NIBAN1: variants seen among roughly 807,000 people sequenced by gnomAD.
NIBAN1 encodes niban apoptosis regulator 1.
In NIBAN1, 81 loss-of-function variants were observed where a neutral mutation model predicts 75.1. The ratio of observed to expected loss-of-function variants is 1.08; its 90% CI spans 0.90 to 1.30. NIBAN1 has a LOEUF of 1.30. NIBAN1 is among the 50% of genes most tolerant of loss of function. The pLI, the probability that NIBAN1 is intolerant of heterozygous loss-of-function variation, is 0.00. For synonymous variants in NIBAN1, 436 were observed against 424.8 expected (o/e 1.03, Z -0.32); for missense variants, 1,133 against 1,128.1 (o/e 1.00, Z -0.06).
chr1:184,903,807 G>A (rs1321110065), intron 1 of NIBAN1, among the ~76,000 whole-genome samples: 2 of 135,586 alleles, frequency 1.5e-5, no homozygotes, highest in Non-Finnish European at 3.0e-5. Context: ...TGCAATCACA[G>A]CTCACTGCAG....
chr1:184,939,873 T>C (rs1177770263), intron 1 of NIBAN1, among the ~76,000 whole-genome samples: 1 of 152,112 alleles, frequency 6.6e-6, no homozygotes, highest in Non-Finnish European at 1.5e-5. Flanking sequence ...CTCTGGTGGG[T>C]AGGGGTAAAT....
At chr1:184,804,094 G>A (rs1284170058) in intron 11 of NIBAN1, among the ~76,000 whole-genome samples, 1 of 152,180 alleles carries the variant, frequency 6.6e-6, no homozygotes, top group Admixed American at 6.5e-5. Context: ...TTGAACAAGG[G>A]AAGAGAAGGC....
chr1:184,874,522 T>C (rs1305780131), intron 5 of NIBAN1, among the ~76,000 whole-genome samples: 1 of 151,986 alleles, frequency 6.6e-6, no homozygotes, highest in Non-Finnish European at 1.5e-5. Context: ...AAAATTTAAT[T>C]CACTAGGAAG....
At chr1:184,839,022 T>C (rs187343365) in intron 5 of NIBAN1, among the ~76,000 whole-genome samples, 6 of 152,304 alleles carry the variant, frequency 3.9e-5, no homozygotes, top group Non-Finnish European at 8.8e-5. Context: ...CCAGTTTCTT[T>C]CTAGAACAAA....
At position 184,795,750 on chromosome 1, in the gene NIBAN1, C is replaced by T. The variant is rs1558093196; in HGVS notation, c.2014G>A (p.Asp672Asn). The T allele has an allele frequency of 6.2e-7, 1 of 1,612,224 alleles. No homozygotes were observed. The highest frequency in any genetic ancestry group is 8.5e-7 in the Non-Finnish European group (1 of 1,178,874). ...DPVVNPVATE[D>N]TAGLPGTCSS... is the part of the protein sequence containing the mutation. ...CATGTGCCCGGGAGTCCTGCTGTGT[C>T]CTCTGTTGCCACAGGATTCACCACG... The change falls in exon 14 of 14, where the codon GAC (aspartate) becomes AAC (asparagine). Residue 672 changes from aspartate to asparagine, a missense_variant. Asp to Asn is a conservative substitution (Grantham distance 23, BLOSUM62 1). Transcript: ENST00000367511.
At chr1:184,831,044 A>C (rs547652032) in intron 6 of NIBAN1, among the ~76,000 whole-genome samples, 2 of 152,172 alleles carry the variant, frequency 1.3e-5, no homozygotes, top group East Asian at 3.9e-4. Flanking sequence ...ACTTTATGTA[A>C]ATATGCCCGT....
chr1:184,825,767 C>T (rs1654826616), intron 6 of NIBAN1, among the ~76,000 whole-genome samples: 1 of 152,164 alleles, frequency 6.6e-6, no homozygotes, highest in African/African-American at 2.4e-5. Context: ...TTTCAAGGCC[C>T]ACAGCTCAGC....
chr1:184,818,501 G>T, intron 9 of NIBAN1, 137 bp downstream of exon 9: 2 of 817,624 alleles, frequency 2.4e-6, no homozygotes, highest in South Asian at 2.3e-5. Flanking sequence ...AAGAAAGGCT[G>T]GATGAATGGA....
intron 5 of NIBAN1, among the ~76,000 whole-genome samples, chr1:184,845,139 T>C (rs1571513277): frequency 6.6e-6 from 1 of 152,222 alleles, no homozygotes; most frequent in Non-Finnish European, 1.5e-5. Context: ...GAAAGCATTT[T>C]CCCATTGGGG....
chr1:184,830,408 A>G (rs1279254894), intron 6 of NIBAN1, among the ~76,000 whole-genome samples: 8 of 152,224 alleles, frequency 5.3e-5, no homozygotes, highest in Non-Finnish European at 1.2e-4. Context: ...GCTTCCCCAA[A>G]ATATCAGAAA....
intron 1 of NIBAN1, among the ~76,000 whole-genome samples, chr1:184,968,708 A>G (rs1658861720): frequency 6.6e-6 from 1 of 152,232 alleles, no homozygotes; most frequent in Non-Finnish European, 1.5e-5. Flanking sequence ...GGCCGCACGT[A>G]AAAAGAAGAT....
chr1:184,932,960 C>G (rs1285703791), intron 1 of NIBAN1, among the ~76,000 whole-genome samples: 3 of 152,176 alleles, frequency 2.0e-5, no homozygotes, highest in Admixed American at 2.0e-4. Flanking sequence ...TAATGGTAAA[C>G]TCTCAATAAT....
At chr1:184,902,146 T>C (rs1019030636) in intron 1 of NIBAN1, among the ~76,000 whole-genome samples, 1 of 152,074 alleles carries the variant, frequency 6.6e-6, no homozygotes, top group African/African-American at 2.4e-5. Flanking sequence ...GGCAGGAACA[T>C]TGCTTGAAGC....
intron 3 of NIBAN1, 41 bp from the exon 4 acceptor site, chr1:184,890,263 C>T (rs1656633668): frequency 6.7e-7 from 1 of 1,498,434 alleles, no homozygotes; most frequent in Non-Finnish European, 9.3e-7. Context: ...TCTTTTTCCC[C>T]ATTTGATTTT....
At chr1:184,872,639 G>A (rs1242028657) in intron 5 of NIBAN1, among the ~76,000 whole-genome samples, 2 of 152,012 alleles carry the variant, frequency 1.3e-5, no homozygotes, top group African/African-American at 4.8e-5. Context: ...CCCAGGAGGT[G>A]GAGGTTGCAG....
intron 10 of NIBAN1, 80 bp downstream of exon 10, chr1:184,807,994 C>T: frequency 6.7e-7 from 1 of 1,493,424 alleles, no homozygotes; most frequent in Non-Finnish European, 9.3e-7. Flanking sequence ...GCTACACTAG[C>T]AGCTGGTCTC....
chr1:184,859,539 T>A (rs906919354), intron 5 of NIBAN1, among the ~76,000 whole-genome samples: 3 of 152,174 alleles, frequency 2.0e-5, no homozygotes, highest in African/African-American at 7.2e-5. Context: ...GTTTGATCTG[T>A]ATTTCCCCAG....
chr1:184,960,863 C>G (rs1030152072), intron 1 of NIBAN1, among the ~76,000 whole-genome samples: 10 of 151,986 alleles, frequency 6.6e-5, no homozygotes, highest in African/African-American at 2.4e-4. Flanking sequence ...CTCCTGACCT[C>G]AGGTGATCCA....
chr1:184,894,041 T>C (rs1175179271), intron 3 of NIBAN1, 34 bp downstream of exon 3: 1 of 1,573,362 alleles, frequency 6.4e-7, no homozygotes, highest in Admixed American at 1.9e-5. Flanking sequence ...TTAAGAACAG[T>C]GTAAGAATCA....
Sources: allele counts gnomAD v4.1 joint callset (sites outside exome capture counted in the v4.1 genomes callset), GRCh38; gene constraint gnomAD v4.1.1; transcripts MANE v1.5; gene names NCBI Gene and HGNC (gene_info 2026-07-23, HGNC 2026-07-21).